The following KBTBD12 variants were observed in gnomAD, a reference collection of about 807,000 sequenced individuals.
KBTBD12 encodes kelch repeat and BTB domain containing 12, also known as kelch repeat and BTB domain-containing protein 12.
A neutral mutation model predicts 58.7 loss-of-function variants in KBTBD12; 53 were observed. The ratio of observed to expected loss-of-function variants is 0.90; its 90% CI spans 0.72 to 1.14. The LOEUF (loss-of-function observed/expected upper bound fraction) is 1.14, where lower values mean the gene tolerates loss of function less well. KBTBD12 is among the 50% of genes most tolerant of loss of function. The pLI is 0.00. For synonymous variants in KBTBD12, 236 were observed against 259.8 expected, an observed-to-expected ratio of 0.91 and a Z score of 0.88; for missense variants, 704 against 751.3, an observed-to-expected ratio of 0.94 and a Z score of 0.74.
At chr3:127,937,990 T>C (rs1363457338) in intron 4 of KBTBD12, among the ~76,000 whole-genome samples, 5 of 152,102 alleles carry the variant, frequency 3.3e-5, no homozygotes, top group African/African-American at 1.2e-4. Context: ...AATAAAGACA[T>C]TTTCAGATGA....
intron 1 of KBTBD12, among the ~76,000 whole-genome samples, chr3:127,921,174 T>C (rs1010379756): frequency 2.0e-5 from 3 of 152,164 alleles, no homozygotes; most frequent in African/African-American, 4.8e-5. Flanking sequence ...AATATTCTTA[T>C]GGAATTCTCA....
chr3:127,923,939 G>C lies in KBTBD12; in HGVS notation c.878G>C (p.Ser293Thr). 6.2e-7 allele frequency: 1 copy of C among 1,613,910 alleles called. No individual in the cohort carries two copies. Residue 293 changes from serine to threonine, a missense_variant, in exon 2 of 6, where the codon AGC (serine) becomes ACC (threonine). Physicochemically the swap from Ser to Thr is moderately conservative, Grantham distance 58. Coordinates refer to ENST00000405109, the MANE Select transcript of KBTBD12 (RefSeq NM_207335.4). The stretch of plus-strand genomic sequence containing the variant: ...TCAGGAATCAGATCAAGACATAGGA[G>C]CTATGGGGATGCCAGTTTTTGTTAT... ...NSSGIRSRHR[S>T]YGDASFCYDP... is the part of the protein sequence containing the mutation.
rs369031322 is a variant in KBTBD12, at chr3:127,927,826, A to G, written c.1133A>G (p.Tyr378Cys). 162 of 1,604,652 alleles carry G rather than the reference A, an allele frequency of 1.0e-4. No homozygotes were observed. The East Asian group carries it at 1.6e-3, about 16-fold the overall frequency. The change falls in exon 3 of 6, where the codon TAT becomes TGT. Residue 378 changes from tyrosine (Y) to cysteine (C), a missense_variant. Coordinates refer to ENST00000405109, the MANE Select transcript of KBTBD12 (RefSeq NM_207335.4). ...KLCTAEFREL[Y>C]ALGSIHNDLY... ...TGCACAGCTGAATTTCGAGAACTCT[A>G]TGCTCTGGGCAGTATTCATAATGAC...
In KBTBD12 at chr3:127,923,539, T is replaced by C. The variant is rs1173552431; in HGVS notation, c.478T>C (p.Phe160Leu). Residue 160 changes from phenylalanine to leucine, a missense_variant, in exon 2 of 6, where the codon TTT (phenylalanine) becomes CTT (leucine). By Grantham distance (22) the Phe-to-Leu change is conservative (BLOSUM62 0). Coordinates refer to ENST00000405109, the MANE Select transcript of KBTBD12 (RefSeq NM_207335.4). Reference protein sequence around the residue: ...DRSKKYLYQHFAEVSLHEEIL... With the variant: ...DRSKKYLYQHLAEVSLHEEIL... ...ATCAAAGAAATATTTATATCAGCAC[T>C]TTGCCGAGGTGAGCTTACATGAAGA... 1.3e-5 allele frequency: 21 copies of C among 1,612,722 alleles called. No homozygotes were observed. Among genetic ancestry groups the C allele is most frequent in the Non-Finnish European group, 1.8e-5 (21 of 1,179,568 alleles).
chr3:127,928,162 A>C, intron 3 of KBTBD12, 128 bp downstream of exon 3: 1 of 791,036 alleles, frequency 1.3e-6, no homozygotes, highest in Middle Eastern at 2.3e-4. Flanking sequence ...TTTCTGTTTT[A>C]TAGAATATAA....
At position 127,926,812 on chromosome 3, in the gene KBTBD12, G is replaced by T. The variant is rs535752547; in HGVS notation, c.1071-952G>T. ...AATTTCCATGTTTTCCTGTTTTTTTGTGTGTGTGTGTTTAATTTTGAATTC... is the reference window on the plus strand; with the variant it reads ...AATTTCCATGTTTTCCTGTTTTTTTTTGTGTGTGTGTTTAATTTTGAATTC... On this transcript the variant is annotated intron_variant, in intron 2 of 5. Transcript: ENST00000405109. Among the ~76,000 whole-genome samples, 420 of 151,764 alleles carry T rather than the reference G, an allele frequency of 2.8e-3. 3 individuals carry two copies. Among genetic ancestry groups the T allele is most frequent in the African/African-American group, 9.2e-3 (380 of 41,390 alleles).
At chr3:127,956,339 T>C (rs1377501069) in intron 4 of KBTBD12, among the ~76,000 whole-genome samples, 1 of 152,116 alleles carries the variant, frequency 6.6e-6, no homozygotes, top group Non-Finnish European at 1.5e-5. Context: ...GCATTCTATA[T>C]ATTATTGTGA....
intron 4 of KBTBD12, among the ~76,000 whole-genome samples, chr3:127,935,795 A>G (rs1939818135): frequency 6.6e-6 from 1 of 152,206 alleles, no homozygotes. Context: ...TTTCATACTG[A>G]ATAAGAAATT....
intron 4 of KBTBD12, among the ~76,000 whole-genome samples, chr3:127,932,703 A>G (rs1422506880): frequency 6.6e-6 from 1 of 152,116 alleles, no homozygotes; most frequent in Non-Finnish European, 1.5e-5. Flanking sequence ...GGTCTGGTAA[A>G]TCTTTTTATG....
intron 4 of KBTBD12, among the ~76,000 whole-genome samples, chr3:127,932,554 T>G (rs1227922703): frequency 6.6e-6 from 1 of 152,114 alleles, no homozygotes; most frequent in Non-Finnish European, 1.5e-5. Flanking sequence ...ATGTCCTAGA[T>G]AGTCTACAGG....
intron 5 of KBTBD12, among the ~76,000 whole-genome samples, chr3:127,967,230 T>G (rs1940592646): frequency 6.6e-6 from 1 of 152,040 alleles, no homozygotes; most frequent in Non-Finnish European, 1.5e-5. Context: ...GTGGCCAGAA[T>G]AGAATGGAGC....
At chr3:127,954,093 G>T (rs1328233276) in intron 4 of KBTBD12, among the ~76,000 whole-genome samples, 1 of 152,132 alleles carries the variant, frequency 6.6e-6, no homozygotes, top group Non-Finnish European at 1.5e-5. Context: ...TGCAGGAGGA[G>T]ACCAAAGGGA....
In KBTBD12 at chr3:127,915,983, T is replaced by C. The variant is rs538866941; in HGVS notation, c.-113+397T>C. Among the ~76,000 whole-genome samples the C allele has an allele frequency of 3.3e-5, 5 of 152,326 alleles. No individual in the cohort carries two copies. The East Asian group carries it at 9.6e-4, about 29-fold the overall frequency. ...GTGCCTGGCACTTAGAAGGGTTCGT[T>C]TAAGTTTAATAAACCCTGAATGTAT... On this transcript the variant is annotated intron_variant, in intron 1 of 5. Transcript: ENST00000405109.
intron 4 of KBTBD12, among the ~76,000 whole-genome samples, chr3:127,935,266 A>G (rs1044988947): frequency 6.6e-5 from 10 of 152,156 alleles, no homozygotes; most frequent in Non-Finnish European, 1.0e-4. Flanking sequence ...GTGATACTAT[A>G]TAGTTGGGTT....
intron 4 of KBTBD12, among the ~76,000 whole-genome samples, chr3:127,950,393 T>A (rs1203506845): frequency 1.3e-5 from 2 of 152,170 alleles, no homozygotes; most frequent in African/African-American, 2.4e-5. Flanking sequence ...CAAGCAAAGT[T>A]TGGCCTCTCA....
At chr3:127,955,766 C>T (rs1283077266) in intron 4 of KBTBD12, among the ~76,000 whole-genome samples, 2 of 152,170 alleles carry the variant, frequency 1.3e-5, no homozygotes, top group Non-Finnish European at 2.9e-5. Context: ...AAAATATTTG[C>T]TAAGCATATG....
intron 3 of KBTBD12, among the ~76,000 whole-genome samples, chr3:127,929,359 T>G (rs1294972945): frequency 1.3e-5 from 2 of 152,204 alleles, no homozygotes; most frequent in East Asian, 3.8e-4. Flanking sequence ...GTATGCCAGT[T>G]ATTTCTTTGT....
chr3:127,981,931 A>G (rs1166072882), intron 5 of KBTBD12, among the ~76,000 whole-genome samples: 1 of 152,200 alleles, frequency 6.6e-6, no homozygotes, highest in East Asian at 1.9e-4. Context: ...TCAAAAATTG[A>G]CTTCCACATG....
At chr3:127,945,164 C>CTTTGTTTTTTTTTTTTTTT (rs1940048380) in intron 4 of KBTBD12, among the ~76,000 whole-genome samples, 1 of 28,780 alleles carries the variant, frequency 3.5e-5, no homozygotes, top group Non-Finnish European at 6.9e-5. Context: ...TAGTAGCTAT[C>CTTTGTTTTTTTTTTTTTTT]TTTTTTTTTT....
Sources: gnomAD v4.1 joint callset for allele counts (sites outside exome capture counted in the v4.1 genomes callset) on GRCh38, gnomAD v4.1.1 for gene constraint, MANE v1.5 for transcripts, NCBI Gene and HGNC (gene_info 2026-07-23, HGNC 2026-07-21) for gene names.